Variants in POLR2H observed in about 807,000 individuals in gnomAD.
The protein encoded by POLR2H is RNA polymerase II, I and III subunit H.
A neutral mutation model predicts 18.1 loss-of-function variants in POLR2H; 3 were observed. The observed-to-expected ratio is 0.17, with a 90% CI of 0.08 to 0.43. The LOEUF (loss-of-function observed/expected upper bound fraction) is 0.43, where lower values mean the gene tolerates loss of function less well. Among genes scored for constraint, POLR2H ranks in the 20% least tolerant of loss-of-function variants. The probability of loss-of-function intolerance (pLI) is 0.99; values close to 1 mark genes in which losing one functional copy is unlikely to be tolerated. For synonymous variants in POLR2H, 76 were observed against 69.0 expected (o/e 1.10, Z -0.50); for missense variants, 103 against 184.6 (o/e 0.56, Z 2.56).
chr3:184,366,878 T>C, intron 5 of POLR2H, 78 bp downstream of exon 5: 1 of 870,064 alleles, frequency 1.1e-6, no homozygotes, highest in Non-Finnish European at 1.9e-6. Flanking sequence ...GCTTCCTCTG[T>C]TGAGTCCCTC....
At chr3:184,365,109 C>T (rs768778792) in intron 3 of POLR2H, 24 bp from the exon 4 acceptor site, 9 of 1,590,498 alleles carry the variant, frequency 5.7e-6, no homozygotes, top group African/African-American at 5.4e-5. Flanking sequence ...ATTCTTTACT[C>T]TCTGATATTG....
intron 5 of POLR2H, among the ~76,000 whole-genome samples, chr3:184,367,303 G>GA (rs1430510008): frequency 2.0e-5 from 3 of 151,488 alleles, no homozygotes; most frequent in Non-Finnish European, 2.9e-5. Context: ...TGTGAAGAAG[G>GA]AAAAAAAAGT....
chr3:184,363,226 A>C lies in POLR2H; in HGVS notation c.-267A>C, dbSNP rs530223274. ...CCTATTGCTTCCCCGCCCTGGGCAGAGCCACCTGGACATGAGACCCGCCCT... is the reference window on the plus strand; with the variant it reads ...CCTATTGCTTCCCCGCCCTGGGCAGCGCCACCTGGACATGAGACCCGCCCT... On this transcript the variant is annotated 5_prime_UTR_variant, in exon 2 of 6. Coordinates refer to ENST00000456318, the MANE Select transcript of POLR2H (RefSeq NM_006232.5). 1.9e-6 allele frequency: 1 copy of C among 533,212 alleles called. No homozygotes were observed. Among genetic ancestry groups the C allele is most frequent in the East Asian group, 3.4e-5 (1 of 29,114 alleles). The allele number at this position is 533,212 out of a possible 1,614,324, so 33.0% of individuals were successfully genotyped here. A position where few individuals can be genotyped will look rare whatever the true frequency, so the allele number is the denominator to read the frequency against.
chr3:184,368,046 T>C (rs1192205655), intron 5 of POLR2H, 131 bp from the exon 6 acceptor site: 13 of 1,330,654 alleles, frequency 9.8e-6, no homozygotes, highest in Non-Finnish European at 1.4e-5. Context: ...TACCTGTGCA[T>C]TGATCTTTGT....
Position 184,363,230 on chromosome 3 carries a change from A to T in POLR2H, c.-263A>T, listed in dbSNP as rs1712558381. The T allele has an allele frequency of 3.7e-6, 2 of 540,472 alleles. No individual in the cohort carries two copies. Among genetic ancestry groups the T allele is most frequent in the African/African-American group, 3.8e-5 (2 of 52,620 alleles). The allele number at this position is 540,472 out of a possible 1,614,324, so 33.5% of individuals were successfully genotyped here. A position where few individuals can be genotyped will look rare whatever the true frequency, so the allele number is the denominator to read the frequency against. ...TTGCTTCCCCGCCCTGGGCAGAGCC[A>T]CCTGGACATGAGACCCGCCCTCAAT... On this transcript the variant is annotated 5_prime_UTR_variant, in exon 2 of 6. Coordinates refer to ENST00000456318, the MANE Select transcript of POLR2H (RefSeq NM_006232.5).
intron 5 of POLR2H, among the ~76,000 whole-genome samples, chr3:184,367,066 G>A (rs993770669): frequency 2.7e-5 from 4 of 150,840 alleles, no homozygotes; most frequent in African/African-American, 9.8e-5. Flanking sequence ...AATAAATGCA[G>A]CATTAAGTGA....
intron 5 of POLR2H, among the ~76,000 whole-genome samples, chr3:184,367,715 C>T (rs1200213181): frequency 3.3e-5 from 5 of 152,046 alleles, no homozygotes; most frequent in Non-Finnish European, 7.4e-5. Context: ...TGGTCTTGAT[C>T]TCCTGACCTC....
chr3:184,364,860 C>A, intron 2 of POLR2H, 106 bp from the exon 3 acceptor site: 1 of 744,028 alleles, frequency 1.3e-6, no homozygotes, highest in Non-Finnish European at 2.4e-6. Context: ...GATGAGAGAC[C>A]ACTGGATGTA....
intron 5 of POLR2H, 134 bp from the exon 6 acceptor site, chr3:184,368,043 G>C: frequency 8.0e-7 from 1 of 1,251,714 alleles, no homozygotes; most frequent in Non-Finnish European, 1.1e-6. Flanking sequence ...ACATACCTGT[G>C]CATTGATCTT....
intron 5 of POLR2H, 176 bp from the exon 6 acceptor site, chr3:184,368,001 G>C (rs9839661): frequency 5.9e-6 from 5 of 850,330 alleles, no homozygotes; most frequent in Admixed American, 2.6e-5. Context: ...TGCCTCTTCT[G>C]TTTCTTAGGC....
chr3:184,362,915 GT>G lies in POLR2H; in HGVS notation c.-576del, dbSNP rs1712464767. On this transcript the variant is annotated 5_prime_UTR_variant, in exon 2 of 6. It removes the in-frame stop codon of an upstream open reading frame in the 5' UTR. Coordinates refer to ENST00000456318, the MANE Select transcript of POLR2H (RefSeq NM_006232.5). This position sits in a 1 kb window ranked among gnomAD's most constrained non-coding sequence, Gnocchi z 5.9. ...CCCAAACTGGACGGATCCGGCTCGG[GT>G]TACGTCCAGCAGGGCCGAGCCGGCC... 1 of 161,364 alleles carries G rather than the reference GT, an allele frequency of 6.2e-6. No individual in the cohort carries two copies. Among genetic ancestry groups the G allele is most frequent in the African/African-American group, 2.4e-5 (1 of 41,450 alleles). The allele number at this position is 161,364 out of a possible 1,614,324, so 10.0% of individuals were successfully genotyped here. A position where few individuals can be genotyped will look rare whatever the true frequency, so the allele number is the denominator to read the frequency against.
intron 5 of POLR2H, among the ~76,000 whole-genome samples, chr3:184,367,509 T>C (rs966544073): frequency 1.0e-4 from 15 of 150,176 alleles, no homozygotes; most frequent in Non-Finnish European, 2.2e-4. Context: ...TTTTTTGAGA[T>C]GGAGTCTTGC....
Position 184,363,238 on chromosome 3 carries a change from A to G in POLR2H, c.-255A>G, listed in dbSNP as rs1269540516. The G allele has an allele frequency of 2.7e-5, 15 of 550,490 alleles. No homozygotes were observed. The highest frequency in any genetic ancestry group is 2.5e-4 in the African/African-American group (13 of 53,010). 34.1% of individuals were successfully genotyped at this position (550,490 alleles called of 1,614,324 possible). A position where few individuals can be genotyped will look rare whatever the true frequency, so the allele number is the denominator to read the frequency against. On this transcript the variant is annotated 5_prime_UTR_variant, in exon 2 of 6. It removes an upstream start codon present in the reference 5' UTR. Transcript: ENST00000456318. ...CCGCCCTGGGCAGAGCCACCTGGAC[A>G]TGAGACCCGCCCTCAATGCCGAAGC... is the stretch of plus-strand genomic sequence containing the variant.
Position 184,363,432 on chromosome 3 carries a change from C to A in POLR2H, c.-61C>A. 1 of 1,355,648 alleles carries A rather than the reference C, an allele frequency of 7.4e-7. No individual in the cohort carries two copies. The highest frequency in any genetic ancestry group is 1.1e-6 in the Non-Finnish European group (1 of 947,736). 84.0% of individuals were successfully genotyped at this position (1,355,648 alleles called of 1,614,324 possible). ...CCGGTCTTGTCCACGCTAGGGGGTG[C>A]ACGTACTCCCAACTGTGGTCGCGCT... On this transcript the variant is annotated 5_prime_UTR_variant, in exon 2 of 6. Coordinates refer to ENST00000456318, the MANE Select transcript of POLR2H (RefSeq NM_006232.5).
At position 184,363,273 on chromosome 3, in the gene POLR2H, G is replaced by A. The variant is rs1577339692; in HGVS notation, c.-220G>A. 3 of 598,560 alleles carry A rather than the reference G, an allele frequency of 5.0e-6. No individual in the cohort carries two copies. In the East Asian group the frequency reaches 8.7e-5, roughly 17 times the overall value. 37.1% of individuals were successfully genotyped at this position (598,560 alleles called of 1,614,324 possible). A position where few individuals can be genotyped will look rare whatever the true frequency, so the allele number is the denominator to read the frequency against. On this transcript the variant is annotated 5_prime_UTR_variant, in exon 2 of 6. Coordinates refer to ENST00000456318, the MANE Select transcript of POLR2H (RefSeq NM_006232.5). ...CCCTCAATGCCGAAGCCTCTCGGAA[G>A]CAATCTTTCGGGACGGAAGTTAAGT...
chr3:184,366,838 C>G (rs1713383807), intron 5 of POLR2H, 38 bp downstream of exon 5: 1 of 1,231,460 alleles, frequency 8.1e-7, no homozygotes, highest in Non-Finnish European at 1.2e-6. Flanking sequence ...TTTTCCTCTT[C>G]CATGTTCTGA....
chr3:184,367,220 T>C (rs925891902), intron 5 of POLR2H, among the ~76,000 whole-genome samples: 6 of 152,110 alleles, frequency 3.9e-5, no homozygotes, highest in Admixed American at 3.3e-4. Flanking sequence ...TGTCCAGCTA[T>C]TTTTTCTTTT....
Position 184,368,389 on chromosome 3 carries a change from G to T in POLR2H, c.*95G>T. 1 of 1,057,444 alleles carries T rather than the reference G, an allele frequency of 9.5e-7. No homozygotes were observed. Among genetic ancestry groups the T allele is most frequent in the Non-Finnish European group, 1.4e-6 (1 of 737,066 alleles). 65.5% of individuals were successfully genotyped at this position (1,057,444 alleles called of 1,614,324 possible). A position where few individuals can be genotyped will look rare whatever the true frequency, so the allele number is the denominator to read the frequency against. Reference sequence around the variant, plus strand: ...CCGCTCTTGCTCACCTGTTGAGGAAGGGCTGGCTCACTGTCCACCGTGGCG... The same window carrying T: ...CCGCTCTTGCTCACCTGTTGAGGAATGGCTGGCTCACTGTCCACCGTGGCG... On this transcript the variant is annotated 3_prime_UTR_variant, in exon 6 of 6. Coordinates refer to ENST00000456318, the MANE Select transcript of POLR2H (RefSeq NM_006232.5).
At chr3:184,367,126 T>G in intron 5 of POLR2H, among the ~76,000 whole-genome samples, 1 of 145,948 alleles carries the variant, frequency 6.9e-6, no homozygotes, top group East Asian at 2.0e-4. Flanking sequence ...GTGTGTGTGT[T>G]TTGCTACTCT....
Sources: gnomAD v4.1 joint callset for allele counts (sites outside exome capture counted in the v4.1 genomes callset) on GRCh38, gnomAD v4.1.1 for gene constraint, Gnocchi (gnomAD v3.1) non-coding constraint, MANE v1.5 for transcripts, NCBI Gene and HGNC (gene_info 2026-07-23, HGNC 2026-07-21) for gene names.